GPC5: variants seen among roughly 807,000 people sequenced by gnomAD.
The protein encoded by GPC5 is glypican 5.
In GPC5, 47 loss-of-function variants were observed where a neutral mutation model predicts 53.9. The ratio of observed to expected loss-of-function variants is 0.87; its 90% CI spans 0.69 to 1.11. GPC5 has a LOEUF of 1.11. Ranked by LOEUF, GPC5 falls within the 50% of genes most tolerant of loss-of-function variation. GPC5 has a pLI of 0.00. For synonymous variants in GPC5, 286 were observed against 263.3 expected, an observed-to-expected ratio of 1.09 and a Z score of -0.84; for missense variants, 748 against 713.1, an observed-to-expected ratio of 1.05 and a Z score of -0.56.
intron 6 of GPC5, among the ~76,000 whole-genome samples, chr13:92,134,984 T>C (rs1337433585): frequency 6.6e-6 from 1 of 152,134 alleles, no homozygotes; most frequent in African/African-American, 2.4e-5. Flanking sequence ...GCGTCACACA[T>C]CTAATTATTT....
chr13:92,712,746 T>G (rs1477155995), intron 7 of GPC5, among the ~76,000 whole-genome samples: 4 of 152,200 alleles, frequency 2.6e-5, no homozygotes, highest in Non-Finnish European at 5.9e-5. Flanking sequence ...CCTTAGAGTG[T>G]GGCTGATTTT....
intron 7 of GPC5, among the ~76,000 whole-genome samples, chr13:92,288,380 G>T (rs1181069947): frequency 1.3e-5 from 2 of 152,102 alleles, no homozygotes; most frequent in East Asian, 3.9e-4. Flanking sequence ...CTGGAATTCA[G>T]ATTCTCTCTT....
At chr13:92,698,289 TG>T (rs1405901410) in intron 7 of GPC5, among the ~76,000 whole-genome samples, 1 of 152,084 alleles carries the variant, frequency 6.6e-6, no homozygotes, top group African/African-American at 2.4e-5. Context: ...TAACATTAGG[TG>T]TATCTCCTAA....
intron 7 of GPC5, among the ~76,000 whole-genome samples, chr13:92,510,753 A>G (rs940692980): frequency 6.6e-5 from 10 of 152,218 alleles, no homozygotes; most frequent in African/African-American, 2.4e-4. Flanking sequence ...TTTTCCACCT[A>G]TAGGGGACTA....
chr13:92,737,474 A>G (rs1299680536), intron 7 of GPC5, among the ~76,000 whole-genome samples: 2 of 152,090 alleles, frequency 1.3e-5, no homozygotes, highest in Non-Finnish European at 2.9e-5. Context: ...TAAATAGAAT[A>G]TCAGATTCAC....
chr13:92,136,247 C>T (rs1414541467), intron 6 of GPC5, among the ~76,000 whole-genome samples: 1 of 152,104 alleles, frequency 6.6e-6, no homozygotes, highest in Non-Finnish European at 1.5e-5. Flanking sequence ...TGTTGCTTTC[C>T]TATTTCATAC....
At chr13:92,109,774 C>G (rs1031720967) in intron 6 of GPC5, among the ~76,000 whole-genome samples, 5 of 151,984 alleles carry the variant, frequency 3.3e-5, no homozygotes, top group African/African-American at 1.2e-4. Context: ...GTTGATTAAT[C>G]AATAAAAATA....
At chr13:91,729,525 C>T (rs2036648730) in intron 4 of GPC5, among the ~76,000 whole-genome samples, 1 of 152,042 alleles carries the variant, frequency 6.6e-6, no homozygotes, top group African/African-American at 2.4e-5. Flanking sequence ...TTCACATAAG[C>T]TTTCTATAAT....
intron 7 of GPC5, among the ~76,000 whole-genome samples, chr13:92,172,914 G>A (rs1388404587): frequency 6.7e-6 from 1 of 150,344 alleles, no homozygotes; most frequent in African/African-American, 2.4e-5. Context: ...TAGTTCTAGG[G>A]TTTTTTTAAT....
intron 5 of GPC5, among the ~76,000 whole-genome samples, chr13:91,844,744 CAG>C (rs1267839540): frequency 6.6e-6 from 1 of 151,812 alleles, no homozygotes; most frequent in African/African-American, 2.4e-5. Context: ...TTTTTTTAGA[CAG>C]AGTCTCACTC....
chr13:92,550,020 T>C (rs1882259236), intron 7 of GPC5, among the ~76,000 whole-genome samples: 1 of 151,918 alleles, frequency 6.6e-6, no homozygotes, highest in Non-Finnish European at 1.5e-5. Flanking sequence ...TGTTTCCCCC[T>C]GTTTCTTAAG....
At chr13:92,159,593 CTTTTTTTTTTTT>C (rs71120074) in intron 7 of GPC5, among the ~76,000 whole-genome samples, 4 of 57,218 alleles carry the variant, frequency 7.0e-5, no homozygotes, top group South Asian at 1.6e-3. Flanking sequence ...TACCAATGTT[CTTTTTTTTTTTT>C]TTTTTTTTTT....
chr13:92,746,037 A>G (rs1933191), intron 7 of GPC5, among the ~76,000 whole-genome samples: 29,151 of 151,988 alleles, frequency 0.19, 3,036 homozygotes, highest in African/African-American at 0.26. Context: ...GCTATATCTA[A>G]TCAGTTGTTT....
chr13:91,434,969 C>T (rs1212999307), intron 1 of GPC5, among the ~76,000 whole-genome samples: 1 of 152,146 alleles, frequency 6.6e-6, no homozygotes, highest in Non-Finnish European at 1.5e-5. Context: ...GGAGTTCACT[C>T]ATGATTTGGC....
intron 7 of GPC5, among the ~76,000 whole-genome samples, chr13:92,706,217 T>G (rs1049786730): frequency 3.3e-5 from 5 of 152,154 alleles, no homozygotes; most frequent in Non-Finnish European, 7.4e-5. Flanking sequence ...TTGCCATGTT[T>G]GTAGGGAACC....
At chr13:92,450,440 G>C (rs1296143214) in intron 7 of GPC5, among the ~76,000 whole-genome samples, 1 of 152,034 alleles carries the variant, frequency 6.6e-6, no homozygotes, top group East Asian at 1.9e-4. Context: ...TATTTTTGTG[G>C]ACTCATCACA....
chr13:92,285,021 A>G (rs372244994), intron 7 of GPC5, among the ~76,000 whole-genome samples: 12,956 of 152,150 alleles, frequency 0.085, 598 homozygotes, highest in Middle Eastern at 0.12. Flanking sequence ...ATCTCTTTAC[A>G]CTGATAAGCA....
chr13:92,831,293 C>A (rs2148229), intron 7 of GPC5, among the ~76,000 whole-genome samples: 82,611 of 151,860 alleles, frequency 0.54, 23,259 homozygotes, highest in East Asian at 0.77. Context: ...TAAAACATGA[C>A]TCTTTTCATG....
chr13:91,744,134 C>T (rs2036996907), intron 4 of GPC5, among the ~76,000 whole-genome samples: 1 of 151,982 alleles, frequency 6.6e-6, no homozygotes, highest in South Asian at 2.1e-4. Context: ...TAAGTTAGGC[C>T]TTATATAAAC....
Sources: allele counts gnomAD v4.1 joint callset (sites outside exome capture counted in the v4.1 genomes callset), GRCh38; gene constraint gnomAD v4.1.1; transcripts MANE v1.5; gene names NCBI Gene and HGNC (gene_info 2026-07-23, HGNC 2026-07-21).